Variants in TFCP2 observed in about 807,000 individuals in gnomAD.
TFCP2 encodes the protein alpha-globin transcription factor CP2.
A neutral mutation model predicts 73.4 loss-of-function variants in TFCP2; 33 were observed. That is an observed-to-expected ratio of 0.45 (90% CI 0.34 to 0.60). TFCP2 has a LOEUF of 0.60. Among genes scored for constraint, TFCP2 ranks in the 20% least tolerant of loss-of-function variants. The pLI, the probability that TFCP2 is intolerant of heterozygous loss-of-function variation, is 0.01. For synonymous variants in TFCP2, 193 were observed against 211.6 expected, an observed-to-expected ratio of 0.91 and a Z score of 0.76; for missense variants, 352 against 604.0, an observed-to-expected ratio of 0.58 and a Z score of 4.37.
At chr12:51,120,234 G>C (rs1362395340) in intron 1 of TFCP2, among the ~76,000 whole-genome samples, 1 of 148,206 alleles carries the variant, frequency 6.7e-6, no homozygotes, top group Non-Finnish European at 1.5e-5. Context: ...ATAAAAACTG[G>C]AAAGAACCTA....
intron 1 of TFCP2, among the ~76,000 whole-genome samples, chr12:51,143,912 C>T (rs1302517776): frequency 6.6e-6 from 1 of 152,124 alleles, no homozygotes. Flanking sequence ...TAGAGGGTTA[C>T]ATTATGTTCA....
chr12:51,123,077 T>C (rs1940722017), intron 1 of TFCP2, among the ~76,000 whole-genome samples: 1 of 152,190 alleles, frequency 6.6e-6, no homozygotes, highest in African/African-American at 2.4e-5. Flanking sequence ...ATAGCAACCA[T>C]TCCTAGTCTT....
intron 11 of TFCP2, among the ~76,000 whole-genome samples, 195 bp downstream of exon 11, chr12:51,101,740 T>C (rs1241250026): frequency 6.6e-6 from 1 of 152,118 alleles, no homozygotes; most frequent in African/African-American, 2.4e-5. Context: ...AAATGAAAAA[T>C]GGAATATCAT....
chr12:51,161,325 C>T (rs1941643692), intron 1 of TFCP2, among the ~76,000 whole-genome samples: 1 of 151,998 alleles, frequency 6.6e-6, no homozygotes, highest in Non-Finnish European at 1.5e-5. Flanking sequence ...ATGTCCACTT[C>T]CCAACAAAAA....
chr12:51,155,315 C>G (rs965611186), intron 1 of TFCP2, among the ~76,000 whole-genome samples: 2 of 152,314 alleles, frequency 1.3e-5, no homozygotes, highest in Admixed American at 1.3e-4. Context: ...CTATCACAGC[C>G]TTCTTAGTTT....
intron 4 of TFCP2, among the ~76,000 whole-genome samples, chr12:51,115,254 G>C (rs1311347418): frequency 6.6e-6 from 1 of 151,490 alleles, no homozygotes; most frequent in African/African-American, 2.4e-5. Flanking sequence ...TGGGTAGCTG[G>C]GACTACAGGC....
At chr12:51,114,923 G>A (rs1313864128) in intron 4 of TFCP2, among the ~76,000 whole-genome samples, 5 of 151,694 alleles carry the variant, frequency 3.3e-5, no homozygotes, top group Admixed American at 1.3e-4. Context: ...TTAGCTAGGT[G>A]TGGTGGTGCA....
At chr12:51,122,203 A>G (rs1233912419) in intron 1 of TFCP2, among the ~76,000 whole-genome samples, 1 of 151,924 alleles carries the variant, frequency 6.6e-6, no homozygotes, top group Non-Finnish European at 1.5e-5. Context: ...GAATCCAGAA[A>G]GATTAGATGC....
chr12:51,165,847 G>A (rs539215912), intron 1 of TFCP2, among the ~76,000 whole-genome samples: 4 of 152,178 alleles, frequency 2.6e-5, no homozygotes, highest in South Asian at 2.1e-4. Flanking sequence ...ACACTAAAAC[G>A]GCATTTATGA....
At chr12:51,113,721 T>C (rs919286215) in intron 4 of TFCP2, among the ~76,000 whole-genome samples, 2 of 152,192 alleles carry the variant, frequency 1.3e-5, no homozygotes, top group Non-Finnish European at 2.9e-5. Flanking sequence ...ACAAATGGAA[T>C]AGAATAGACA....
In TFCP2 at chr12:51,110,089, C is replaced by CAT. The variant is rs997821669; in HGVS notation, c.564+786_564+787dup. The stretch of plus-strand genomic sequence containing the variant: ...AGATTATAGCTGAAAGTCTTAAAAT[C>CAT]ATATATATAAAGTGTTTACTTAACA... On this transcript the variant is annotated intron_variant, in intron 5 of 14. Coordinates refer to ENST00000257915, the MANE Select transcript of TFCP2 (RefSeq NM_005653.5). 2.6e-5 allele frequency among the ~76,000 whole-genome samples: 4 copies of CAT among 152,152 alleles called. No individual in the cohort carries two copies. The East Asian group carries it at 5.8e-4, about 22-fold the overall frequency.
Position 51,172,164 on chromosome 12 carries a change from AAAG to A in TFCP2, c.122+134_122+136del, listed in dbSNP as rs1941875598. ...ACAACACTAACTACTCAAAGCGACA[AAAG>A]AACAAGTCCCTTTTCCCCAATCGTA... On this transcript the variant is annotated intron_variant, in intron 1 of 14. Transcript: ENST00000257915. 4 of 1,275,580 alleles carry A rather than the reference AAAG, an allele frequency of 3.1e-6. No individual in the cohort carries two copies. In the South Asian group the frequency reaches 5.8e-5, roughly 19 times the overall value. 79.0% of individuals were successfully genotyped at this position (1,275,580 alleles called of 1,614,324 possible).
intron 1 of TFCP2, among the ~76,000 whole-genome samples, chr12:51,166,640 AT>A (rs1941763165): frequency 6.6e-6 from 1 of 152,122 alleles, no homozygotes; most frequent in South Asian, 2.1e-4. Flanking sequence ...ATGAAGAGCA[AT>A]GTAGCTCAAT....
At chr12:51,168,301 G>A (rs565193300) in intron 1 of TFCP2, among the ~76,000 whole-genome samples, 71 of 152,116 alleles carry the variant, frequency 4.7e-4, no homozygotes, top group South Asian at 1.7e-3. Context: ...CAGCCTAGGG[G>A]ACAGCTACTT....
At chr12:51,145,274 T>C (rs970231868) in intron 1 of TFCP2, among the ~76,000 whole-genome samples, 20 of 150,012 alleles carry the variant, frequency 1.3e-4, no homozygotes, top group Admixed American at 3.3e-4. Context: ...TCCAGCTACC[T>C]GGGAGGCTGA....
intron 1 of TFCP2, among the ~76,000 whole-genome samples, chr12:51,159,779 C>A (rs1163480027): frequency 6.6e-6 from 1 of 152,220 alleles, no homozygotes; most frequent in Non-Finnish European, 1.5e-5. Flanking sequence ...TGCACTTGAT[C>A]CAGATTCCTC....
At position 51,108,898 on chromosome 12, in the gene TFCP2, T is replaced by G. The variant is rs937511537; in HGVS notation, c.717+223A>C. ...TTTAAGAGCTTTCAATGAGAATCCA[T>G]GTTCTTGCCTCTAGCCCTCTTTTCC... On this transcript the variant is annotated intron_variant, in intron 6 of 14. Transcript: ENST00000257915. Among the ~76,000 whole-genome samples, 33 of 152,222 alleles carry G rather than the reference T, an allele frequency of 2.2e-4. 1 individual carries two copies.
In TFCP2 at chr12:51,160,317, A is replaced by G. The variant is rs927479840; in HGVS notation, c.122+11984T>C. 2.0e-4 allele frequency among the ~76,000 whole-genome samples: 30 copies of G among 152,108 alleles called. No individual in the cohort carries two copies. In the Middle Eastern group the frequency reaches 0.01, roughly 52 times the overall value. ...TGCCCAGCTAATTTTTTGTATCTTT[A>G]GCAGAGATGAGGTTTCACCCTGTTG... On this transcript the variant is annotated intron_variant, in intron 1 of 14. Transcript: ENST00000257915.
At position 51,094,982 on chromosome 12, in the gene TFCP2, A is replaced by G; in HGVS notation, c.*259T>C. 4 of 507,332 alleles carry G rather than the reference A, an allele frequency of 7.9e-6. No homozygotes were observed. In the South Asian group the frequency reaches 1.3e-4, roughly 16 times the overall value. The allele number at this position is 507,332 out of a possible 1,614,324, so 31.4% of individuals were successfully genotyped here. A position where few individuals can be genotyped will look rare whatever the true frequency, so the allele number is the denominator to read the frequency against. The stretch of plus-strand genomic sequence containing the variant: ...TCTAAATTATGTAGAGTTTCTACTG[A>G]TATTTAACAACAACAAGGTCCAGAA... On this transcript the variant is annotated 3_prime_UTR_variant, in exon 15 of 15. Coordinates refer to ENST00000257915, the MANE Select transcript of TFCP2 (RefSeq NM_005653.5).
Sources: gnomAD v4.1 joint callset for allele counts (sites outside exome capture counted in the v4.1 genomes callset) on GRCh38, gnomAD v4.1.1 for gene constraint, MANE v1.5 for transcripts, NCBI Gene and HGNC (gene_info 2026-07-23, HGNC 2026-07-21) for gene names.